The following TRPM3 variants were observed in gnomAD, a reference collection of about 807,000 sequenced individuals.
TRPM3 encodes long transient receptor potential channel 3.
TRPM3 carries 77 observed loss-of-function variants against 181.2 expected under a neutral mutation model. The observed-to-expected ratio is 0.42, with a 90% CI of 0.35 to 0.51. The LOEUF (loss-of-function observed/expected upper bound fraction) is 0.51. Among genes scored for constraint, TRPM3 ranks in the 20% least tolerant of loss-of-function variants. The pLI is 0.01. For missense variants in TRPM3, 1,759 were observed against 2,196.7 expected (o/e 0.80, Z 3.98); for synonymous variants, 745 against 796.4 (o/e 0.94, Z 1.09).
At chr9:71,432,017 C>T (rs568476335) in intron 1 of TRPM3, among the ~76,000 whole-genome samples, 1 of 152,128 alleles carries the variant, frequency 6.6e-6, no homozygotes, top group Admixed American at 6.5e-5. Flanking sequence ...GAAGGAGATC[C>T]TAAACCAAAG....
At chr9:71,241,585 A>G (rs888106580) in intron 1 of TRPM3, among the ~76,000 whole-genome samples, 1 of 152,050 alleles carries the variant, frequency 6.6e-6, no homozygotes, top group Non-Finnish European at 1.5e-5. Context: ...AATATGGCAC[A>G]TGTATACGTA....
chr9:70,620,457 T>G (rs1343802708), intron 15 of TRPM3, 92 bp from the exon 16 acceptor site: 2 of 1,395,048 alleles, frequency 1.4e-6, no homozygotes, highest in Non-Finnish European at 2.0e-6. Flanking sequence ...CAGCTAGCTC[T>G]GGGATCAATA....
intron 1 of TRPM3, among the ~76,000 whole-genome samples, chr9:71,034,252 A>G (rs1305455090): frequency 7.9e-5 from 12 of 152,210 alleles, no homozygotes; most frequent in Non-Finnish European, 8.8e-5. Flanking sequence ...GAACTTGGTC[A>G]GGAAGTCTGG....
chr9:70,813,965 C>G (rs1250356409), intron 6 of TRPM3, among the ~76,000 whole-genome samples: 1 of 152,208 alleles, frequency 6.6e-6, no homozygotes, highest in African/African-American at 2.4e-5. Flanking sequence ...AAGTATACAG[C>G]TATACCTTAT....
At chr9:71,245,648 A>C (rs2081995371) in intron 1 of TRPM3, among the ~76,000 whole-genome samples, 2 of 152,316 alleles carry the variant, frequency 1.3e-5, no homozygotes, top group South Asian at 4.1e-4. Context: ...GTAGTGGTGG[A>C]AATGAAATAA....
intron 4 of TRPM3, among the ~76,000 whole-genome samples, chr9:70,844,252 T>A (rs1156924448): frequency 1.3e-5 from 2 of 152,210 alleles, no homozygotes; most frequent in Non-Finnish European, 2.9e-5. Flanking sequence ...CATGTGTATT[T>A]AAGTAACTCA....
intron 1 of TRPM3, among the ~76,000 whole-genome samples, chr9:71,300,205 A>T (rs557184147): frequency 1.3e-5 from 2 of 152,300 alleles, no homozygotes; most frequent in South Asian, 4.1e-4. Context: ...TATAAACATT[A>T]GAAACATTAA....
chr9:70,940,498 T>G (rs2096875360), intron 1 of TRPM3, among the ~76,000 whole-genome samples: 1 of 152,236 alleles, frequency 6.6e-6, no homozygotes, highest in Non-Finnish European at 1.5e-5. Context: ...GCATCTATCA[T>G]ATGCTAAGTG....
chr9:70,970,289 AGGAGGTTG>A (rs2097229386), intron 1 of TRPM3, among the ~76,000 whole-genome samples: 1 of 152,196 alleles, frequency 6.6e-6, no homozygotes, highest in African/African-American at 2.4e-5. Context: ...CATTCTGACA[AGGAGGTTG>A]GGTAAATCAA....
At chr9:71,390,023 A>T (rs1054163090) in intron 1 of TRPM3, among the ~76,000 whole-genome samples, 2 of 152,140 alleles carry the variant, frequency 1.3e-5, no homozygotes, top group Non-Finnish European at 2.9e-5. Context: ...AAATACATAC[A>T]TAGAAGCACA....
At chr9:71,137,888 G>T (rs957945945) in intron 1 of TRPM3, among the ~76,000 whole-genome samples, 3 of 152,130 alleles carry the variant, frequency 2.0e-5, no homozygotes, top group African/African-American at 4.8e-5. Context: ...AGGCCGAGGT[G>T]GGCAGACTGC....
At chr9:71,172,201 G>T (rs552504702) in intron 1 of TRPM3, among the ~76,000 whole-genome samples, 3 of 151,476 alleles carry the variant, frequency 2.0e-5, no homozygotes, top group Admixed American at 6.6e-5. Context: ...TGTGCCCAGC[G>T]CATAGAAGGC....
chr9:71,232,182 T>C (rs912974756), intron 1 of TRPM3, among the ~76,000 whole-genome samples: 1 of 152,138 alleles, frequency 6.6e-6, no homozygotes, highest in African/African-American at 2.4e-5. Flanking sequence ...ATATAGCAAC[T>C]AGAGGGAATC....
chr9:71,214,267 T>C (rs1170821221), intron 1 of TRPM3, among the ~76,000 whole-genome samples: 3 of 152,194 alleles, frequency 2.0e-5, no homozygotes, highest in Non-Finnish European at 4.4e-5. Flanking sequence ...GAATGGAATA[T>C]AAATCACAGT....
intron 1 of TRPM3, among the ~76,000 whole-genome samples, chr9:71,185,006 G>A (rs1247834928): frequency 6.6e-6 from 1 of 152,134 alleles, no homozygotes; most frequent in Non-Finnish European, 1.5e-5. Flanking sequence ...AGGATGCCCA[G>A]CCTAAGACTG....
intron 1 of TRPM3, among the ~76,000 whole-genome samples, chr9:71,308,292 C>A (rs2087572327): frequency 6.6e-6 from 1 of 152,014 alleles, no homozygotes; most frequent in Non-Finnish European, 1.5e-5. Flanking sequence ...TTAAAAAAAA[C>A]CTATTACTCT....
At chr9:70,939,787 C>T (rs985070806) in intron 1 of TRPM3, among the ~76,000 whole-genome samples, 3 of 152,172 alleles carry the variant, frequency 2.0e-5, no homozygotes, top group Non-Finnish European at 4.4e-5. Flanking sequence ...GAAGTCGCTT[C>T]TACTTGGCAT....
At chr9:70,790,637 C>T (rs558974222) in intron 6 of TRPM3, among the ~76,000 whole-genome samples, 53 of 152,236 alleles carry the variant, frequency 3.5e-4, no homozygotes, top group African/African-American at 1.3e-3. Context: ...TGCACACTAC[C>T]GCAGCTCTTT....
chr9:71,207,914 T>A (rs2079224424), intron 1 of TRPM3, among the ~76,000 whole-genome samples: 1 of 152,314 alleles, frequency 6.6e-6, no homozygotes, highest in South Asian at 2.1e-4. Flanking sequence ...CAAATTATGC[T>A]GAGCTATTCT....
Sources: gnomAD v4.1 joint callset for allele counts (sites outside exome capture counted in the v4.1 genomes callset) on GRCh38, gnomAD v4.1.1 for gene constraint, MANE v1.5 for transcripts, NCBI Gene and HGNC (gene_info 2026-07-23, HGNC 2026-07-21) for gene names.